Variants in SERPINB8 observed in about 807,000 individuals in gnomAD.
SERPINB8 encodes the protein serpin family B member 8, also known as serpin B8.
A neutral mutation model predicts 35.3 loss-of-function variants in SERPINB8; 25 were observed. That is an observed-to-expected ratio of 0.71 (90% CI 0.52 to 0.99). The LOEUF (loss-of-function observed/expected upper bound fraction) is 0.99, where lower values mean the gene tolerates loss of function less well. Among genes scored for constraint, SERPINB8 ranks in the 50% least tolerant of loss-of-function variants. The pLI is 0.00. For missense variants in SERPINB8, 484 were observed against 446.5 expected, an observed-to-expected ratio of 1.08 and a Z score of -0.76; for synonymous variants, 186 against 160.8, an observed-to-expected ratio of 1.16 and a Z score of -1.19.
intron 3 of SERPINB8, among the ~76,000 whole-genome samples, 174 bp downstream of exon 3, chr18:63,980,112 TG>T (rs2050647686): frequency 6.6e-6 from 1 of 152,214 alleles, no homozygotes. Flanking sequence ...AAATTGTTAC[TG>T]ATACACCCAT....
At chr18:63,999,644 C>T (rs531799819) in intron 1 of SERPINB8, among the ~76,000 whole-genome samples, 10 of 152,310 alleles carry the variant, frequency 6.6e-5, no homozygotes, top group African/African-American at 2.2e-4. Context: ...ACTCCCAACC[C>T]GATGTATACC....
chr18:64,002,872 G>A (rs1245630785), intron 1 of SERPINB8, among the ~76,000 whole-genome samples: 4 of 152,100 alleles, frequency 2.6e-5, no homozygotes, highest in African/African-American at 9.7e-5. Context: ...CGCCGCCTGC[G>A]GTCGTGCCCT....
At chr18:64,011,742 G>A (rs1159090111) in intron 7 of SERPINB8, among the ~76,000 whole-genome samples, 1 of 152,118 alleles carries the variant, frequency 6.6e-6, no homozygotes, top group East Asian at 1.9e-4. Context: ...GTTGATATTA[G>A]GGAAGCAAAT....
rs1489316278 is a variant in SERPINB8 at position 63,987,992 on chromosome 18, A to G, written c.*714A>G. 6.6e-6 allele frequency: 1 copy of G among 152,206 alleles called. No homozygotes were observed. 9.4% of individuals were successfully genotyped at this position (152,206 alleles called of 1,614,324 possible). On this transcript the variant is annotated 3_prime_UTR_variant, in exon 7 of 7. Transcript: ENST00000397985. ...CAACACACCACTGAGTCCTCTAACTAATCATATGTGCTCAGACACAGCTCA... is the reference window on the plus strand; with the variant it reads ...CAACACACCACTGAGTCCTCTAACTGATCATATGTGCTCAGACACAGCTCA...
intron 7 of SERPINB8, among the ~76,000 whole-genome samples, chr18:64,016,165 A>G (rs1362302606): frequency 2.0e-5 from 3 of 152,130 alleles, no homozygotes; most frequent in Admixed American, 2.0e-4. Context: ...TGAGAAGCAC[A>G]CTGGTGACTG....
chr18:63,972,898 C>T lies in SERPINB8; in HGVS notation c.-11+2728C>T, dbSNP rs185647783. Among the ~76,000 whole-genome samples the T allele has an allele frequency of 5.2e-3, 799 of 152,266 alleles. 9 individuals are homozygous for T. The highest frequency in any genetic ancestry group is 0.018 in the African/African-American group (730 of 41,524). The stretch of plus-strand genomic sequence containing the variant: ...CTTAATCCAGTCTATCATTGATGGA[C>T]ATTTGGGTTGGTTCCAAGTCTTTGC... On this transcript the variant is annotated intron_variant, in intron 1 of 6. Coordinates refer to ENST00000397985, the MANE Select transcript of SERPINB8 (RefSeq NM_002640.4).
intron 2 of SERPINB8, 73 bp from the exon 3 acceptor site, chr18:63,979,728 G>A: frequency 6.3e-7 from 1 of 1,575,328 alleles, no homozygotes; most frequent in East Asian, 2.2e-5. Context: ...TTAGTACAGA[G>A]GTTTGTTTGG....
At chr18:63,975,537 T>G (rs2050568054) in intron 1 of SERPINB8, among the ~76,000 whole-genome samples, 1 of 152,194 alleles carries the variant, frequency 6.6e-6, no homozygotes, top group Non-Finnish European at 1.5e-5. Context: ...TATGTCATGA[T>G]TGTGTTTTCT....
exon 2 of SERPINB8, chr18:64,004,950 A>G (rs983846790): frequency 2.5e-6 from 1 of 397,912 alleles, no homozygotes; most frequent in Non-Finnish European, 4.4e-6. Context: ...GAAACTCTCT[A>G]AAAGAGGCAA....
chr18:64,004,404 A>G (rs1004490243), intron 1 of SERPINB8, among the ~76,000 whole-genome samples: 18 of 152,204 alleles, frequency 1.2e-4, no homozygotes, highest in African/African-American at 4.3e-4. Flanking sequence ...AAAGCCCTAG[A>G]GAACTTGAGA....
At chr18:64,009,238 AC>A (rs1375305921), downstream of SERPINB8, among the ~76,000 whole-genome samples, 2 of 152,224 alleles carry the variant, frequency 1.3e-5, no homozygotes, top group East Asian at 3.8e-4. Context: ...TCATAGAAAG[AC>A]CTTGAGTTGA....
At chr18:64,001,294 C>T (rs768127241) in intron 1 of SERPINB8, among the ~76,000 whole-genome samples, 2 of 152,004 alleles carry the variant, frequency 1.3e-5, no homozygotes, top group Admixed American at 6.6e-5. Flanking sequence ...GATAGTGTCA[C>T]GAGTCTGTGA....
At chr18:63,973,846 A>G (rs935027959) in intron 1 of SERPINB8, among the ~76,000 whole-genome samples, 1 of 152,162 alleles carries the variant, frequency 6.6e-6, no homozygotes. Flanking sequence ...ATTGGTCTAT[A>G]TCTCTGTTTT....
chr18:64,011,374 A>G (rs1014770699), intron 7 of SERPINB8, among the ~76,000 whole-genome samples: 1 of 152,156 alleles, frequency 6.6e-6, no homozygotes, highest in Non-Finnish European at 1.5e-5. Context: ...AGAAAAGGGT[A>G]TGATTCATAG....
rs756461262 is a variant in SERPINB8 at position 63,983,697 on chromosome 18, G to A, written c.543G>A (p.Arg181=). The change falls in exon 5 of 7, where the codon AGG becomes AGA. Residue 181 remains arginine, a synonymous_variant. Coordinates refer to ENST00000397985, the MANE Select transcript of SERPINB8 (RefSeq NM_002640.4). Reference sequence around the variant, plus strand: ...AGCAATTTGACAGAAAGTACACAAGGGGAATGCTCTTTAAAACCAACGAGG... The same window carrying A: ...AGCAATTTGACAGAAAGTACACAAGAGGAATGCTCTTTAAAACCAACGAGG... ...WNEQFDRKYT[R]GMLFKTNEEK... The A allele has an allele frequency of 6.2e-7, 1 of 1,613,872 alleles. No homozygotes were observed. Among genetic ancestry groups the A allele is most frequent in the Non-Finnish European group, 8.5e-7 (1 of 1,179,810 alleles).
rs2050789697 is a variant in SERPINB8, at chr18:63,988,089, G to T, written c.*811G>T. 1 of 152,144 alleles carries T rather than the reference G, an allele frequency of 6.6e-6. No homozygotes were observed. Among genetic ancestry groups the T allele is most frequent in the South Asian group, 2.1e-4 (1 of 4,828 alleles). 9.4% of individuals were successfully genotyped at this position (152,144 alleles called of 1,614,324 possible). On this transcript the variant is annotated 3_prime_UTR_variant, in exon 7 of 7. Transcript: ENST00000397985. ...TTCTGCCTAAAAATAAAATTGCGTT[G>T]TGGCAGCAATTTGGAAACTACAGCA...
chr18:64,013,845 A>G (rs142006770), intron 7 of SERPINB8, among the ~76,000 whole-genome samples: 150 of 152,332 alleles, frequency 9.8e-4, no homozygotes, highest in Non-Finnish European at 1.4e-3. Flanking sequence ...AGGAGAACAG[A>G]AACAGTGTCT....
At chr18:63,978,260 T>G in intron 1 of SERPINB8, 39 bp from the exon 2 acceptor site, 1 of 1,611,956 alleles carries the variant, frequency 6.2e-7, no homozygotes, top group South Asian at 1.1e-5. Context: ...ACCGGAGTCA[T>G]TGGCTTATGT....
rs11537989 is a variant in SERPINB8 at position 63,983,631 on chromosome 18, G to A, written c.477G>A (p.Leu159=). 481,683 of 1,612,234 alleles carry A rather than the reference G, an allele frequency of 0.3. 75,361 individuals carry two copies. The highest frequency in any genetic ancestry group is 0.32 in the Non-Finnish European group (378,287 of 1,178,466). ...GGACAGTCGATCCCCTGACAAAGCTGGTCCTTGTGAATGCCATTTATTTCA... is the reference window on the plus strand; with the variant it reads ...GGACAGTCGATCCCCTGACAAAGCTAGTCCTTGTGAATGCCATTTATTTCA... ...DAGTVDPLTK[L]VLVNAIYFKG... Residue 159 remains leucine, a synonymous_variant, in exon 5 of 7, where the codon CTG becomes CTA. Transcript: ENST00000397985.
Sources: gnomAD v4.1 joint callset for allele counts (sites outside exome capture counted in the v4.1 genomes callset) on GRCh38, gnomAD v4.1.1 for gene constraint, MANE v1.5 for transcripts, NCBI Gene and HGNC (gene_info 2026-07-23, HGNC 2026-07-21) for gene names.